TUBA8: variants seen among roughly 807,000 people sequenced by gnomAD.
TUBA8 encodes tubulin alpha-8 chain.
A neutral mutation model predicts 34.7 loss-of-function variants in TUBA8; 29 were observed. The observed-to-expected ratio is 0.84, with a 90% CI of 0.62 to 1.14. TUBA8 has a LOEUF of 1.14. Among genes scored for constraint, TUBA8 ranks in the 50% most tolerant of loss-of-function variants. The pLI is 0.00. For missense variants in TUBA8, 541 were observed against 599.2 expected (o/e 0.90, Z 1.01); for synonymous variants, 226 against 231.2 (o/e 0.98, Z 0.21).
At chr22:18,129,319 C>T (rs1482324282) in intron 4 of TUBA8, 2 of 152,156 alleles carry the variant, frequency 1.3e-5, no homozygotes, top group Non-Finnish European at 2.9e-5. Flanking sequence ...CTCCTTAAAG[C>T]AGAAGCTCTG....
Position 18,112,407 on chromosome 22 carries a change from T to C in TUBA8, c.3+1539T>C, listed in dbSNP as rs189434562. 6.0e-4 allele frequency: 91 copies of C among 152,342 alleles called. 2 individuals carry two copies. The highest frequency in any genetic ancestry group is 6.8e-3 in the Middle Eastern group (2 of 294). 9.4% of individuals were successfully genotyped at this position (152,342 alleles called of 1,614,324 possible). ...AAATGCTAGGCTGCATACTCTAGAATTGATATTTAATATTTATAATATCTA... is the reference window on the plus strand; with the variant it reads ...AAATGCTAGGCTGCATACTCTAGAACTGATATTTAATATTTATAATATCTA... On this transcript the variant is annotated intron_variant, in intron 1 of 4. Coordinates refer to ENST00000330423, the MANE Select transcript of TUBA8 (RefSeq NM_018943.3).
In TUBA8 at chr22:18,121,501, T is replaced by C; in HGVS notation, c.26T>C (p.Val9Ala). The C allele has an allele frequency of 6.2e-7, 1 of 1,614,180 alleles. No homozygotes were observed. Among genetic ancestry groups the C allele is most frequent in the Non-Finnish European group, 8.5e-7 (1 of 1,180,026 alleles). Residue 9 changes from valine (V) to alanine (A), a missense_variant, in exon 2 of 5, where the codon GTG becomes GCG. Coordinates refer to ENST00000330423, the MANE Select transcript of TUBA8 (RefSeq NM_018943.3). This position sits in a 1 kb window ranked among gnomAD's most constrained non-coding sequence, Gnocchi z 4.8. ...CAGCGGGAATGCATATCAGTCCACG[T>C]GGGCCAAGCGGGAGTTCAGATTGGC... MRECISVHVGQAGVQIGNA... is the reference protein window; with the variant it reads MRECISVHAGQAGVQIGNA...
chr22:18,124,407 A>G lies in TUBA8; in HGVS notation c.375+103A>G, dbSNP rs1367820067. On this transcript the variant is annotated intron_variant, in intron 3 of 4. Coordinates refer to ENST00000330423, the MANE Select transcript of TUBA8 (RefSeq NM_018943.3). The surrounding 1 kb of genome is among the most constrained non-coding windows in gnomAD (Gnocchi z 4.3). ...AGGGAGAGGCATCTGACCCCTGGCT[A>G]TAGGATGGAGCTCCTAAGGTTTGGG... 5 of 1,360,144 alleles carry G rather than the reference A, an allele frequency of 3.7e-6. No homozygotes were observed. In the African/African-American group the frequency reaches 5.8e-5, roughly 16 times the overall value. The allele number at this position is 1,360,144 out of a possible 1,614,324, so 84.3% of individuals were successfully genotyped here. A position where few individuals can be genotyped will look rare whatever the true frequency, so the allele number is the denominator to read the frequency against.
chr22:18,127,239 G>A, intron 4 of TUBA8: 2 of 581,332 alleles, frequency 3.4e-6, no homozygotes, highest in Admixed American at 6.2e-5. Flanking sequence ...TTTTAGAAAA[G>A]TTTGGTGCTA....
intron 2 of TUBA8, chr22:18,122,549 T>C (rs1928178039): frequency 6.6e-6 from 1 of 152,286 alleles, no homozygotes; most frequent in South Asian, 2.1e-4. Context: ...TGTCTTGATC[T>C]GCTCTGTATC....
Position 18,126,986 on chromosome 22 carries a change from G to C in TUBA8, c.1008G>C (p.Lys336Asn). 6.2e-7 allele frequency: 1 copy of C among 1,613,994 alleles called. No homozygotes were observed. The highest frequency in any genetic ancestry group is 1.7e-5 in the Admixed American group (1 of 59,986). Residue 336 changes from lysine (K) to asparagine (N), a missense_variant, in exon 4 of 5, where the codon AAG becomes AAC. Coordinates refer to ENST00000330423, the MANE Select transcript of TUBA8 (RefSeq NM_018943.3). The surrounding 1 kb of genome is among the most constrained non-coding windows in gnomAD (Gnocchi z 4.0). The stretch of plus-strand genomic sequence containing the variant: ...TGAATGTCGCTATTGCTGCCATCAA[G>C]ACCAAGAGGACCATCCAGTTTGTAG... ...KDVNVAIAAI[K>N]TKRTIQFVDW...
At chr22:18,116,092 C>G (rs73876564) in intron 1 of TUBA8, 1 of 152,292 alleles carries the variant, frequency 6.6e-6, no homozygotes, top group Non-Finnish European at 1.5e-5. Context: ...GAGTTTGGAG[C>G]GGGCACATGA....
intron 1 of TUBA8, chr22:18,112,829 A>G (rs972992383): frequency 6.6e-6 from 1 of 152,244 alleles, no homozygotes; most frequent in African/African-American, 2.4e-5. Context: ...AACATTTTAC[A>G]CTCACAGAAA....
At chr22:18,114,877 T>C (rs1927920410) in intron 1 of TUBA8, 1 of 151,982 alleles carries the variant, frequency 6.6e-6, no homozygotes, top group South Asian at 2.1e-4. Flanking sequence ...GGCTTCAAAG[T>C]CTCCTTTTGC....
chr22:18,130,350 G>C (rs1928454794), intron 4 of TUBA8: 1 of 169,408 alleles, frequency 5.9e-6, no homozygotes, highest in Non-Finnish European at 1.3e-5. Context: ...TTGCCTACTT[G>C]CTGAGCCCCC....
At chr22:18,114,693 A>C (rs1927913499) in intron 1 of TUBA8, 1 of 152,182 alleles carries the variant, frequency 6.6e-6, no homozygotes, top group Non-Finnish European at 1.5e-5. Context: ...CGGTGTAATC[A>C]CATGCTTCCT....
At position 18,119,261 on chromosome 22, in the gene TUBA8, C is replaced by T. The variant is rs465067; in HGVS notation, c.4-2218C>T. ...GGGTGGTTTCTGGATGCAGATGCTG[C>T]TTTCCTTAGGCCTGAATTGAGCCCT... On this transcript the variant is annotated intron_variant, in intron 1 of 4. Coordinates refer to ENST00000330423, the MANE Select transcript of TUBA8 (RefSeq NM_018943.3). The surrounding 1 kb of genome is among the most constrained non-coding windows in gnomAD (Gnocchi z 5.9). 0.04 allele frequency: 6,158 copies of T among 152,346 alleles called. 372 individuals are homozygous for T. Among genetic ancestry groups the T allele is most frequent in the African/African-American group, 0.14 (5,800 of 41,452 alleles). 9.4% of individuals were successfully genotyped at this position (152,346 alleles called of 1,614,324 possible). A position where few individuals can be genotyped will look rare whatever the true frequency, so the allele number is the denominator to read the frequency against.
chr22:18,120,644 G>A (rs935758145), intron 1 of TUBA8: 2 of 152,264 alleles, frequency 1.3e-5, no homozygotes, highest in Non-Finnish European at 2.9e-5. Context: ...TATATACCCA[G>A]TAACAGGATT....
chr22:18,129,772 A>G (rs1216971904), intron 4 of TUBA8: 1 of 152,174 alleles, frequency 6.6e-6, no homozygotes, highest in Non-Finnish European at 1.5e-5. Context: ...TGGCGATTAA[A>G]ATGTGGTGGT....
At chr22:18,129,139 C>T (rs1333220767) in intron 4 of TUBA8, 1 of 152,164 alleles carries the variant, frequency 6.6e-6, no homozygotes, top group East Asian at 1.9e-4. Flanking sequence ...CAGTTCTAAT[C>T]ATCCTGGCAA....
chr22:18,128,793 T>G (rs986117139), intron 4 of TUBA8: 1 of 152,280 alleles, frequency 6.6e-6, no homozygotes, highest in African/African-American at 2.4e-5. Context: ...GTGATCCACC[T>G]GCCTCAGCCT....
Position 18,131,318 on chromosome 22 carries a change from C to T in TUBA8, c.*182C>T, listed in dbSNP as rs888818272. 5 of 636,972 alleles carry T rather than the reference C, an allele frequency of 7.8e-6. No homozygotes were observed. Among genetic ancestry groups the T allele is most frequent in the Non-Finnish European group, 1.4e-5 (5 of 364,474 alleles). The allele number at this position is 636,972 out of a possible 1,614,324, so 39.5% of individuals were successfully genotyped here. A position where few individuals can be genotyped will look rare whatever the true frequency, so the allele number is the denominator to read the frequency against. On this transcript the variant is annotated 3_prime_UTR_variant, in exon 5 of 5. Coordinates refer to ENST00000330423, the MANE Select transcript of TUBA8 (RefSeq NM_018943.3). This position sits in a 1 kb window ranked among gnomAD's most constrained non-coding sequence, Gnocchi z 5.3. ...TAAGTGGACACTGAGCTTCATCAGG[C>T]CCTCCCTGGGTAGGAGCAGCTTTGT...
Position 18,127,015 on chromosome 22 carries a change from G to C in TUBA8, c.1037G>C (p.Trp346Ser). 6.2e-7 allele frequency: 1 copy of C among 1,614,142 alleles called. No individual in the cohort carries two copies. Among genetic ancestry groups the C allele is most frequent in the Admixed American group, 1.7e-5 (1 of 60,012 alleles). Reference sequence around the variant, plus strand: ...AAGAGGACCATCCAGTTTGTAGACTGGTGTCCCACAGGCTTCAAGGTGAGA... The same window carrying C: ...AAGAGGACCATCCAGTTTGTAGACTCGTGTCCCACAGGCTTCAAGGTGAGA... The part of the protein sequence containing the change: ...KTKRTIQFVD[W>S]CPTGFKVGIN... Residue 346 changes from tryptophan (W) to serine (S), a missense_variant, in exon 4 of 5, where the codon TGG (tryptophan) becomes TCG (serine). Trp to Ser is a radical substitution (Grantham distance 177). Coordinates refer to ENST00000330423, the MANE Select transcript of TUBA8 (RefSeq NM_018943.3).
At position 18,121,370 on chromosome 22, in the gene TUBA8, TG is replaced by T. The variant is rs936085771; in HGVS notation, c.4-103del. The T allele has an allele frequency of 3.1e-6, 3 of 965,098 alleles. No homozygotes were observed. The highest frequency in any genetic ancestry group is 3.6e-5 in the Admixed American group (2 of 55,666). The allele number at this position is 965,098 out of a possible 1,614,324, so 59.8% of individuals were successfully genotyped here. Reference sequence around the variant, plus strand: ...CTGCAGCCTCAACGCCAACTGGCAATGGGGGGCTGGGGCCTGGCTGGCCTGC... The same window carrying T: ...CTGCAGCCTCAACGCCAACTGGCAATGGGGGCTGGGGCCTGGCTGGCCTGC... On this transcript the variant is annotated intron_variant, in intron 1 of 4. Transcript: ENST00000330423. This position sits in a 1 kb window ranked among gnomAD's most constrained non-coding sequence, Gnocchi z 4.8.
Sources: allele counts gnomAD v4.1 joint callset, GRCh38; gene constraint gnomAD v4.1.1; non-coding constraint Gnocchi (gnomAD v3.1); transcripts MANE v1.5; gene names NCBI Gene and HGNC (gene_info 2026-07-23, HGNC 2026-07-21).